Variants in SEMA5A observed in about 807,000 individuals in gnomAD.
The protein encoded by SEMA5A is semaphorin-5A.
In SEMA5A, 55 loss-of-function variants were observed where a neutral mutation model predicts 135.5. That is an observed-to-expected ratio of 0.41 (90% CI 0.33 to 0.51). The LOEUF is 0.51. SEMA5A is among the 20% of genes least tolerant of loss of function. SEMA5A has a pLI of 0.37. For missense variants in SEMA5A, 1,290 were observed against 1,419.9 expected, an observed-to-expected ratio of 0.91 and a Z score of 1.47; for synonymous variants, 580 against 546.5, an observed-to-expected ratio of 1.06 and a Z score of -0.85.
At chr5:9,189,808 C>A (rs1430924393) in intron 11 of SEMA5A, among the ~76,000 whole-genome samples, 2 of 152,202 alleles carry the variant, frequency 1.3e-5, no homozygotes, top group African/African-American at 4.8e-5. Flanking sequence ...ATTTATGCCC[C>A]AAAACATATT....
At chr5:9,273,480 T>C (rs184571151) in intron 5 of SEMA5A, among the ~76,000 whole-genome samples, 20 of 151,986 alleles carry the variant, frequency 1.3e-4, no homozygotes, top group Admixed American at 9.8e-4. Flanking sequence ...ATTCAGGAAA[T>C]ACAGAGAACA....
At chr5:9,279,163 T>C (rs1168040531) in intron 5 of SEMA5A, among the ~76,000 whole-genome samples, 5 of 152,172 alleles carry the variant, frequency 3.3e-5, no homozygotes, top group African/African-American at 9.7e-5. Flanking sequence ...GCCAAAGGCC[T>C]TGGGAGTCCA....
intron 5 of SEMA5A, among the ~76,000 whole-genome samples, chr5:9,251,895 G>T (rs986139223): frequency 2.6e-5 from 4 of 152,134 alleles, no homozygotes; most frequent in Non-Finnish European, 4.4e-5. Context: ...ATAGGTACCA[G>T]TATTACATTC....
At chr5:9,349,479 AGAT>A (rs1231502265) in intron 3 of SEMA5A, among the ~76,000 whole-genome samples, 1 of 152,238 alleles carries the variant, frequency 6.6e-6, no homozygotes, top group African/African-American at 2.4e-5. Context: ...AAACTGAAGA[AGAT>A]AAATACTATC....
At chr5:9,095,447 A>C (rs1739264293) in intron 16 of SEMA5A, among the ~76,000 whole-genome samples, 1 of 152,230 alleles carries the variant, frequency 6.6e-6, no homozygotes, top group African/African-American at 2.4e-5. Flanking sequence ...CCTTTCTCAC[A>C]TTCACGTAGA....
intron 16 of SEMA5A, among the ~76,000 whole-genome samples, chr5:9,089,396 A>T (rs1738909230): frequency 6.6e-6 from 1 of 152,236 alleles, no homozygotes; most frequent in African/African-American, 2.4e-5. Context: ...GCTAGAGTTC[A>T]AATGGGTCAG....
intron 5 of SEMA5A, among the ~76,000 whole-genome samples, chr5:9,270,343 A>G (rs935167565): frequency 3.9e-5 from 6 of 152,048 alleles, no homozygotes; most frequent in Admixed American, 3.9e-4. Context: ...GTAATAAATC[A>G]CAGCCATGCA....
At chr5:9,509,150 G>GGC (rs4002391) in intron 1 of SEMA5A, among the ~76,000 whole-genome samples, 137,158 of 151,248 alleles carry the variant, frequency 0.91, 62,033 homozygotes, top group Middle Eastern at 0.95. Context: ...GTCCACAGGG[G>GGC]TGAAGAAAAG....
At chr5:9,291,400 C>T (rs957458555) in intron 5 of SEMA5A, among the ~76,000 whole-genome samples, 3 of 152,080 alleles carry the variant, frequency 2.0e-5, no homozygotes, top group African/African-American at 4.8e-5. Flanking sequence ...AAAATATGAC[C>T]GAAGAGCTCC....
intron 16 of SEMA5A, among the ~76,000 whole-genome samples, chr5:9,083,652 G>A (rs999783794): frequency 1.3e-5 from 2 of 151,682 alleles, no homozygotes; most frequent in Admixed American, 1.3e-4. Context: ...TATCACTGTT[G>A]GAACATCTAT....
intron 15 of SEMA5A, among the ~76,000 whole-genome samples, chr5:9,117,377 G>A (rs1252138169): frequency 6.6e-6 from 1 of 152,172 alleles, no homozygotes; most frequent in Non-Finnish European, 1.5e-5. Flanking sequence ...TATACAGGTT[G>A]AGCATCCCTT....
chr5:9,478,962 C>G (rs1256863853), intron 1 of SEMA5A, among the ~76,000 whole-genome samples: 1 of 152,132 alleles, frequency 6.6e-6, no homozygotes. Context: ...GAGGGAGGAA[C>G]CTGGTGAGAG....
chr5:9,046,072 GTTGTTA>G (rs1470176693), intron 21 of SEMA5A: 5 of 152,372 alleles, frequency 3.3e-5, no homozygotes, highest in South Asian at 2.1e-4. Flanking sequence ...CTTCCTCTGT[GTTGTTA>G]TCTTCCTCTG....
chr5:9,098,505 C>A (rs1476383232), intron 16 of SEMA5A, among the ~76,000 whole-genome samples: 1 of 152,100 alleles, frequency 6.6e-6, no homozygotes, highest in Non-Finnish European at 1.5e-5. Context: ...ACGGAAGATG[C>A]ATTTGGAAAA....
chr5:9,321,020 G>T (rs1164902169), intron 4 of SEMA5A, among the ~76,000 whole-genome samples: 1 of 152,054 alleles, frequency 6.6e-6, no homozygotes, highest in Non-Finnish European at 1.5e-5. Flanking sequence ...GTCCAGGGAG[G>T]GGCCTAGTAG....
intron 14 of SEMA5A, among the ~76,000 whole-genome samples, chr5:9,121,084 G>A (rs1740792183): frequency 6.6e-6 from 1 of 152,136 alleles, no homozygotes; most frequent in Non-Finnish European, 1.5e-5. Flanking sequence ...GGCCACAAAT[G>A]TGGAATTTTA....
chr5:9,483,841 A>G (rs1341180353), intron 1 of SEMA5A, among the ~76,000 whole-genome samples: 1 of 152,220 alleles, frequency 6.6e-6, no homozygotes, highest in African/African-American at 2.4e-5. Flanking sequence ...GGAGGAGAAA[A>G]AAACAGCTTT....
chr5:9,192,940 A>G (rs188001603), intron 10 of SEMA5A, among the ~76,000 whole-genome samples: 1 of 152,236 alleles, frequency 6.6e-6, no homozygotes, highest in African/African-American at 2.4e-5. Flanking sequence ...GTTCTTAAGG[A>G]ACCCAGAAAA....
intron 16 of SEMA5A, among the ~76,000 whole-genome samples, chr5:9,094,766 T>A (rs1406549162): frequency 6.6e-6 from 1 of 152,176 alleles, no homozygotes; most frequent in East Asian, 1.9e-4. Context: ...GGGATTAGGA[T>A]AGACTGAAAC....
Sources: allele counts gnomAD v4.1 joint callset (sites outside exome capture counted in the v4.1 genomes callset), GRCh38; gene constraint gnomAD v4.1.1; transcripts MANE v1.5; gene names NCBI Gene and HGNC (gene_info 2026-07-23, HGNC 2026-07-21).